Variants in OAS2 observed in about 807,000 individuals in gnomAD.
OAS2 encodes the protein 2'-5'-oligoadenylate synthase 2.
A neutral mutation model predicts 71.3 loss-of-function variants in OAS2; 67 were observed. That is an observed-to-expected ratio of 0.94 (90% CI 0.77 to 1.15). The LOEUF is 1.15. Ranked by LOEUF, OAS2 falls within the 50% of genes most tolerant of loss-of-function variation. The pLI is 0.00. For missense variants in OAS2, 789 were observed against 822.5 expected (o/e 0.96, Z 0.50); for synonymous variants, 327 against 321.8 (o/e 1.02, Z -0.17).
At position 113,010,310 on chromosome 12, in the gene OAS2, T is replaced by C. The variant is rs767373350; in HGVS notation, c.*1055T>C. ...CAGGTCCCCCCTTTTTTCCCCTAAC[T>C]CTTTTAAGCAATGATTGTAACTATT... On this transcript the variant is annotated 3_prime_UTR_variant, in exon 10 of 10. Coordinates refer to ENST00000392583, the MANE Select transcript of OAS2 (RefSeq NM_002535.3). 1.3e-6 allele frequency: 2 copies of C among 1,537,724 alleles called. No individual in the cohort carries two copies. Among genetic ancestry groups the C allele is most frequent in the Non-Finnish European group, 1.7e-6 (2 of 1,144,938 alleles).
At chr12:112,987,551 G>C in intron 2 of OAS2, 1 of 1,395,842 alleles carries the variant, frequency 7.2e-7, no homozygotes, top group Non-Finnish European at 9.3e-7. Flanking sequence ...CTAAGGCAGA[G>C]CCTTTTAAGC....
In OAS2 at chr12:113,010,271, T is replaced by TA; in HGVS notation, c.*1017dup. 6.7e-7 allele frequency: 1 copy of TA among 1,486,030 alleles called. No individual in the cohort carries two copies. The highest frequency in any genetic ancestry group is 8.9e-7 in the Non-Finnish European group (1 of 1,124,276). 92.1% of individuals were successfully genotyped at this position (1,486,030 alleles called of 1,614,324 possible). Reference sequence around the variant, plus strand: ...CCAAAAAATTGTCTCTGGCAATAGTTACCTTCCCAGATACAGGTCCCCCCT... The same window carrying TA: ...CCAAAAAATTGTCTCTGGCAATAGTTAACCTTCCCAGATACAGGTCCCCCCT... On this transcript the variant is annotated 3_prime_UTR_variant, in exon 10 of 10. Coordinates refer to ENST00000392583, the MANE Select transcript of OAS2 (RefSeq NM_002535.3).
chr12:112,995,112 T>C (rs902989318), intron 2 of OAS2, among the ~76,000 whole-genome samples, 184 bp from the exon 3 acceptor site: 4 of 152,236 alleles, frequency 2.6e-5, no homozygotes, highest in South Asian at 4.1e-4. Context: ...TAGACTACAC[T>C]TTATTATCTA....
At chr12:113,006,332 ATC>A in intron 7 of OAS2, 79 bp from the exon 8 acceptor site, 1 of 1,214,414 alleles carries the variant, frequency 8.2e-7, no homozygotes. Context: ...CAAGAATTAA[ATC>A]ATATTTGTCA....
intron 2 of OAS2, chr12:112,988,014 G>T (rs752296285): frequency 8.1e-6 from 8 of 985,302 alleles, no homozygotes; most frequent in Non-Finnish European, 9.6e-6. Flanking sequence ...CAAGTAGCTA[G>T]GCACTCAAAA....
chr12:113,001,114 C>T (rs763588464), intron 5 of OAS2, among the ~76,000 whole-genome samples: 28 of 151,944 alleles, frequency 1.8e-4, no homozygotes, highest in African/African-American at 5.6e-4. Flanking sequence ...GAGGCTGAGG[C>T]GGGAGGATCA....
intron 2 of OAS2, chr12:112,988,285 T>C: frequency 1.1e-6 from 1 of 936,808 alleles, no homozygotes; most frequent in Non-Finnish European, 1.3e-6. Flanking sequence ...GAGCAGACAA[T>C]TCACAAATCT....
At chr12:113,002,387 G>A (rs2044297311) in intron 5 of OAS2, among the ~76,000 whole-genome samples, 1 of 152,182 alleles carries the variant, frequency 6.6e-6, no homozygotes, top group African/African-American at 2.4e-5. Flanking sequence ...AACTGGGAGA[G>A]AATAAACTTC....
chr12:112,995,437 A>G lies in OAS2; in HGVS notation c.590A>G (p.Lys197Arg), dbSNP rs765069199. The G allele has an allele frequency of 6.2e-7, 1 of 1,614,186 alleles. No homozygotes were observed. The highest frequency in any genetic ancestry group is 8.5e-7 in the Non-Finnish European group (1 of 1,180,000). ...KFFDNRPGKLKDLILLIKHWH... is the reference protein window; with the variant it reads ...KFFDNRPGKLRDLILLIKHWH... ...TTTGACAACCGTCCTGGAAAACTAA[A>G]GGATTTGATCCTCTTGATAAAGCAC... The change falls in exon 3 of 10, where the codon AAG becomes AGG. Residue 197 changes from lysine (K) to arginine (R), a missense_variant. Transcript: ENST00000392583.
At chr12:113,007,556 C>CT in intron 8 of OAS2, 149 bp from the exon 9 acceptor site, 1 of 702,136 alleles carries the variant, frequency 1.4e-6, no homozygotes, top group Non-Finnish European at 2.5e-6. Context: ...AGGTGGACTC[C>CT]TGTAGGCTGT....
intron 3 of OAS2, among the ~76,000 whole-genome samples, chr12:112,997,306 C>G (rs1394550121): frequency 6.6e-6 from 1 of 151,988 alleles, no homozygotes; most frequent in Non-Finnish European, 1.5e-5. Context: ...GGGATGGGAG[C>G]AGTGGGTGGC....
Position 113,005,216 on chromosome 12 carries a change from G to A in OAS2, c.1462G>A (p.Ala488Thr), listed in dbSNP as rs976445453. ...VSFDVLPAFN[A>T]LGQLSSGSTP... ...CTTTGATGTGCTTCCTGCCTTTAAT[G>A]CACTGGGTAAGGCTCCCCAGACCTT... is the stretch of plus-strand genomic sequence containing the variant. Residue 488 changes from alanine (A) to threonine (T), a missense_variant, in exon 7 of 10, where the codon GCA (alanine) becomes ACA (threonine). Ala to Thr is a moderately conservative substitution (Grantham distance 58). Transcript: ENST00000392583. 8.7e-6 allele frequency: 14 copies of A among 1,613,212 alleles called. No individual in the cohort carries two copies. In the African/African-American group the frequency reaches 1.7e-4, roughly 20 times the overall value.
chr12:112,996,497 G>A (rs1421156921), intron 3 of OAS2, among the ~76,000 whole-genome samples: 1 of 151,980 alleles, frequency 6.6e-6, no homozygotes, highest in East Asian at 1.9e-4. Flanking sequence ...GTGAGTTTCA[G>A]GCATATTCTC....
chr12:112,995,790 T>A (rs2044228339), intron 3 of OAS2, among the ~76,000 whole-genome samples: 1 of 152,146 alleles, frequency 6.6e-6, no homozygotes, highest in Non-Finnish European at 1.5e-5. Context: ...CTTCTTTGGC[T>A]CAACGGGATG....
Position 112,988,640 on chromosome 12 carries a change from CT to C in OAS2, c.448+1333del, listed in dbSNP as rs2044162837. ...CTTGATTTAACAGCACCAATACCCC[CT>C]ACCTTTAGTGAGCACATCTGCACAT... On this transcript the variant is annotated intron_variant, in intron 2 of 9. Transcript: ENST00000392583. 4 of 985,428 alleles carry C rather than the reference CT, an allele frequency of 4.1e-6. No homozygotes were observed. In the South Asian group the frequency reaches 1.9e-4, roughly 46 times the overall value. The allele number at this position is 985,428 out of a possible 1,614,324, so 61.0% of individuals were successfully genotyped here.
In OAS2 at chr12:113,011,677, T is replaced by C. The variant is rs527258594; in HGVS notation, c.*2422T>C. On this transcript the variant is annotated 3_prime_UTR_variant, in exon 10 of 10. Coordinates refer to ENST00000392583, the MANE Select transcript of OAS2 (RefSeq NM_002535.3). ...CCACCCTACATACTCTTTGTCTGGC[T>C]CTTCATTTGTATTCTTTATAATAAA... is the stretch of plus-strand genomic sequence containing the variant. The C allele has an allele frequency of 1.3e-4, 20 of 152,338 alleles. No individual in the cohort carries two copies. The highest frequency in any genetic ancestry group is 4.3e-4 in the African/African-American group (18 of 41,566). 9.4% of individuals were successfully genotyped at this position (152,338 alleles called of 1,614,324 possible).
chr12:112,987,467 C>T (rs897900868), intron 2 of OAS2, 159 bp downstream of exon 2: 18 of 1,447,822 alleles, frequency 1.2e-5, no homozygotes, highest in South Asian at 6.1e-5. Context: ...ACCCTGGACT[C>T]GCTCTCTTCT....
intron 2 of OAS2, 63 bp from the exon 3 acceptor site, chr12:112,995,233 A>C: frequency 6.8e-7 from 1 of 1,473,026 alleles, no homozygotes; most frequent in South Asian, 1.3e-5. Flanking sequence ...ATTGTAGAGC[A>C]ACCCTGGCTC....
chr12:112,987,690 C>T, intron 2 of OAS2: 2 of 1,071,480 alleles, frequency 1.9e-6, no homozygotes, highest in Middle Eastern at 4.2e-4. Flanking sequence ...GCAGATCATG[C>T]TTGCAGGTTT....
Sources: gnomAD v4.1 joint callset for allele counts (sites outside exome capture counted in the v4.1 genomes callset) on GRCh38, gnomAD v4.1.1 for gene constraint, MANE v1.5 for transcripts, NCBI Gene and HGNC (gene_info 2026-07-23, HGNC 2026-07-21) for gene names.